C12orf42: variants seen among roughly 807,000 people sequenced by gnomAD.
C12orf42 encodes chromosome 12 open reading frame 42, also known as uncharacterized protein C12orf42.
Under a neutral mutation model 21.6 loss-of-function variants are expected in C12orf42, and 25 were observed. The observed-to-expected ratio is 1.16, with a 90% CI of 0.84 to 1.62. The LOEUF is 1.62. Among genes scored for constraint, C12orf42 ranks in the 40% most tolerant of loss-of-function variants. The pLI is 0.00. For missense variants in C12orf42, 483 were observed against 459.3 expected (o/e 1.05, Z -0.47); for synonymous variants, 174 against 175.0 (o/e 0.99, Z 0.05).
upstream of C12orf42, among the ~76,000 whole-genome samples, chr12:103,500,797 A>T (rs1482348795): frequency 1.3e-5 from 2 of 152,228 alleles, no homozygotes; most frequent in African/African-American, 2.4e-5. Flanking sequence ...TTTACTAAAT[A>T]TCAACTGTTT....
the C12orf42 span, among the ~76,000 whole-genome samples, chr12:103,554,761 C>G: frequency 1.3e-5 from 2 of 152,106 alleles, no homozygotes; most frequent in Non-Finnish European, 2.9e-5. Context: ...ACAACCAGAT[C>G]TCCTGAGAAC....
chr12:103,170,532 C>T, the C12orf42 span, among the ~76,000 whole-genome samples: 2 of 152,148 alleles, frequency 1.3e-5, no homozygotes, highest in African/African-American at 4.8e-5. Context: ...GTCCATTTCT[C>T]CTCTCCTCGT....
In C12orf42 at chr12:103,489,570, G is replaced by A. The variant is rs1005663721; in HGVS notation, c.-22+6332C>T. On this transcript the variant is annotated intron_variant, in intron 1 of 5. Coordinates refer to ENST00000548883, the MANE Select transcript of C12orf42 (RefSeq NM_198521.5). ...CCCTGCCCAAAGAAGTGCCTCTATGGAGGCAGTAGGCCTTGCTGAGCTATG... is the reference window on the plus strand; with the variant it reads ...CCCTGCCCAAAGAAGTGCCTCTATGAAGGCAGTAGGCCTTGCTGAGCTATG... 2.6e-5 allele frequency among the ~76,000 whole-genome samples: 4 copies of A among 152,292 alleles called. No individual in the cohort carries two copies. The East Asian group carries it at 7.7e-4, about 29-fold the overall frequency.
At chr12:103,228,038 G>A in the C12orf42 span, among the ~76,000 whole-genome samples, 6 of 152,116 alleles carry the variant, frequency 3.9e-5, no homozygotes, top group African/African-American at 7.2e-5. Context: ...CTAATGGAGC[G>A]AAGAACACGA....
chr12:103,385,583 G>A (rs2046540727), intron 3 of C12orf42, among the ~76,000 whole-genome samples: 1 of 142,788 alleles, frequency 7.0e-6, no homozygotes, highest in African/African-American at 2.6e-5. Context: ...TAATAATAAT[G>A]TTTTTAAATG....
chr12:103,489,836 T>C (rs1348365268), intron 1 of C12orf42, among the ~76,000 whole-genome samples: 1 of 152,164 alleles, frequency 6.6e-6, no homozygotes, highest in Non-Finnish European at 1.5e-5. Context: ...AGTGTCCTGT[T>C]TTTCCAAGTA....
chr12:103,465,242 G>A (rs1184913128), intron 2 of C12orf42, among the ~76,000 whole-genome samples: 1 of 152,172 alleles, frequency 6.6e-6, no homozygotes, highest in Non-Finnish European at 1.5e-5. Context: ...AGCATGGAAT[G>A]TTTTTCCATA....
intron 10 of C12orf42, among the ~76,000 whole-genome samples, chr12:103,245,507 TAG>T (rs777585912): frequency 2.0e-5 from 3 of 151,994 alleles, no homozygotes; most frequent in Non-Finnish European, 4.4e-5. Flanking sequence ...AACCCTAACA[TAG>T]AGAGTTATTT....
chr12:103,187,809 C>T, the C12orf42 span, among the ~76,000 whole-genome samples: 128 of 152,330 alleles, frequency 8.4e-4, no homozygotes, highest in Non-Finnish European at 1.3e-3. Context: ...TTCTGTAGCA[C>T]TTGCTAGCTA....
chr12:103,543,561 C>G, the C12orf42 span, among the ~76,000 whole-genome samples: 2 of 151,538 alleles, frequency 1.3e-5, no homozygotes, highest in Non-Finnish European at 2.9e-5. Context: ...TGCAGTGAGC[C>G]ATGATCACAC....
chr12:103,296,204 T>C (rs988509970), intron 4 of C12orf42, among the ~76,000 whole-genome samples: 4 of 152,076 alleles, frequency 2.6e-5, no homozygotes, highest in African/African-American at 7.2e-5. Flanking sequence ...CTTCATTTTT[T>C]ATGGCTGCAT....
chr12:103,341,769 T>C (rs537341468), intron 4 of C12orf42, among the ~76,000 whole-genome samples: 37 of 152,214 alleles, frequency 2.4e-4, no homozygotes, highest in African/African-American at 8.7e-4. Context: ...ATAAATAGTA[T>C]TAAAGTAAAA....
At chr12:103,217,197 T>A in the C12orf42 span, among the ~76,000 whole-genome samples, 2 of 151,996 alleles carry the variant, frequency 1.3e-5, no homozygotes, top group Non-Finnish European at 2.9e-5. Flanking sequence ...CCAGAACACA[T>A]TGAAGTGCTG....
the C12orf42 span, among the ~76,000 whole-genome samples, chr12:103,182,063 C>T: frequency 1.3e-5 from 2 of 151,978 alleles, no homozygotes; most frequent in East Asian, 1.9e-4. Flanking sequence ...GGGTTTTTCT[C>T]GTGTTTTTAT....
At chr12:103,323,101 T>C (rs1242109787) in intron 4 of C12orf42, among the ~76,000 whole-genome samples, 1 of 152,238 alleles carries the variant, frequency 6.6e-6, no homozygotes, top group Non-Finnish European at 1.5e-5. Flanking sequence ...TAGAACCATG[T>C]CTAGTGCCCT....
At chr12:103,194,241 C>A in the C12orf42 span, among the ~76,000 whole-genome samples, 1 of 152,062 alleles carries the variant, frequency 6.6e-6, no homozygotes. Context: ...AATTGAAGAG[C>A]TTTTCCTGTA....
the C12orf42 span, among the ~76,000 whole-genome samples, chr12:103,122,774 T>C: frequency 2.6e-5 from 4 of 152,110 alleles, no homozygotes; most frequent in Non-Finnish European, 5.9e-5. Context: ...AGGAGAGTCT[T>C]GCAGATCAAT....
the C12orf42 span, among the ~76,000 whole-genome samples, chr12:103,100,143 A>T: frequency 2.0e-5 from 3 of 152,226 alleles, no homozygotes; most frequent in Non-Finnish European, 2.9e-5. Flanking sequence ...CAGATACCCA[A>T]GGCAGGGGGC....
At chr12:103,387,377 A>G (rs1459768782) in intron 3 of C12orf42, among the ~76,000 whole-genome samples, 1 of 152,178 alleles carries the variant, frequency 6.6e-6, no homozygotes, top group Admixed American at 6.5e-5. Context: ...ACCACCCTAC[A>G]CACACACCCT....
Sources: allele counts gnomAD v4.1 joint callset (sites outside exome capture counted in the v4.1 genomes callset), GRCh38; gene constraint gnomAD v4.1.1; transcripts MANE v1.5; gene names NCBI Gene and HGNC (gene_info 2026-07-23, HGNC 2026-07-21).